The following ZC3H12C variants were observed in gnomAD, a reference collection of about 807,000 sequenced individuals.
ZC3H12C encodes zinc finger CCCH-type containing 12C, also known as probable ribonuclease ZC3H12C.
In ZC3H12C, 20 loss-of-function variants were observed where a neutral mutation model predicts 76.3. The ratio of observed to expected loss-of-function variants is 0.26; its 90% CI spans 0.18 to 0.38. The LOEUF (loss-of-function observed/expected upper bound fraction) is 0.38, where lower values mean the gene tolerates loss of function less well. Among genes scored for constraint, ZC3H12C ranks in the 10% least tolerant of loss-of-function variants. The pLI is 1.00. For synonymous variants in ZC3H12C, 352 were observed against 399.6 expected, an observed-to-expected ratio of 0.88 and a Z score of 1.42; for missense variants, 874 against 1,086.5, an observed-to-expected ratio of 0.80 and a Z score of 2.75.
At chr11:110,094,305 T>A (rs1363789118) in intron 1 of ZC3H12C, among the ~76,000 whole-genome samples, 3 of 152,210 alleles carry the variant, frequency 2.0e-5, no homozygotes, top group Non-Finnish European at 2.9e-5. Flanking sequence ...TATTGGAGTA[T>A]CCCAGGCCCA....
At chr11:110,115,795 CT>C (rs1364217921) in intron 1 of ZC3H12C, among the ~76,000 whole-genome samples, 1 of 141,754 alleles carries the variant, frequency 7.1e-6, no homozygotes, top group Non-Finnish European at 1.5e-5. Flanking sequence ...CTCACTCACT[CT>C]GTCTCCGAGG....
intron 2 of ZC3H12C, among the ~76,000 whole-genome samples, chr11:110,140,602 G>A (rs1862051541): frequency 1.3e-5 from 2 of 152,212 alleles, no homozygotes; most frequent in African/African-American, 4.8e-5. Flanking sequence ...GATATGAACA[G>A]ACTGTTGAAA....
At chr11:110,146,089 C>CAT (rs1432152835) in intron 2 of ZC3H12C, among the ~76,000 whole-genome samples, 2 of 152,282 alleles carry the variant, frequency 1.3e-5, no homozygotes, top group Non-Finnish European at 1.5e-5. Context: ...CGGGTTCATG[C>CAT]CATTCTCCTG....
intron 3 of ZC3H12C, among the ~76,000 whole-genome samples, chr11:110,154,006 AC>A (rs1325922615): frequency 1.3e-5 from 2 of 152,212 alleles, no homozygotes; most frequent in African/African-American, 4.8e-5. Context: ...CCGTGTAAAG[AC>A]AACTGTAAAA....
At chr11:110,093,773 A>T (rs756378287) in intron 1 of ZC3H12C, among the ~76,000 whole-genome samples, 1 of 151,922 alleles carries the variant, frequency 6.6e-6, no homozygotes, top group Non-Finnish European at 1.5e-5. Flanking sequence ...GATCGCGAAC[A>T]TGGAGGCGGG....
intron 1 of ZC3H12C, among the ~76,000 whole-genome samples, chr11:110,115,980 G>A (rs1419336790): frequency 6.6e-6 from 1 of 151,818 alleles, no homozygotes; most frequent in Non-Finnish European, 1.5e-5. Flanking sequence ...AGCTGGTCTT[G>A]AACTCCTGAC....
intron 2 of ZC3H12C, 78 bp downstream of exon 2, chr11:110,137,492 C>G: frequency 1.4e-6 from 2 of 1,438,786 alleles, no homozygotes; most frequent in Non-Finnish European, 1.8e-6. Context: ...TGGCTCTTTT[C>G]CTTCTCATGG....
chr11:110,129,866 C>T (rs186119040), intron 1 of ZC3H12C, among the ~76,000 whole-genome samples: 15 of 152,050 alleles, frequency 9.9e-5, no homozygotes, highest in Admixed American at 2.6e-4. Flanking sequence ...GTATAACTTA[C>T]GCAGCCCACA....
chr11:110,122,429 C>T (rs1861666982), intron 1 of ZC3H12C, among the ~76,000 whole-genome samples: 1 of 151,932 alleles, frequency 6.6e-6, no homozygotes, highest in South Asian at 2.1e-4. Flanking sequence ...CAATCATGTG[C>T]CTTCTGCTTT....
At chr11:110,123,067 ATTGT>A (rs1379581052) in intron 1 of ZC3H12C, among the ~76,000 whole-genome samples, 6 of 152,054 alleles carry the variant, frequency 3.9e-5, no homozygotes, top group East Asian at 1.9e-4. Context: ...TATTTCTGGA[ATTGT>A]TTATTTCTGG....
Position 110,171,192 on chromosome 11 carries a change from G to A in ZC3H12C, c.*5455G>A, listed in dbSNP as rs1422756145. On this transcript the variant is annotated 3_prime_UTR_variant, in exon 6 of 6. Coordinates refer to ENST00000278590, the MANE Select transcript of ZC3H12C (RefSeq NM_033390.2). ...GGGAAAAAGGCATTGAAAAGCAATC[G>A]TTTGTTTTTATGAAGAATAGGTGTT... 3 of 152,134 alleles carry A rather than the reference G, an allele frequency of 2.0e-5. No individual in the cohort carries two copies. The highest frequency in any genetic ancestry group is 2.9e-5 in the Non-Finnish European group (2 of 68,010). The allele number at this position is 152,134 out of a possible 1,614,324, so 9.4% of individuals were successfully genotyped here. A position where few individuals can be genotyped will look rare whatever the true frequency, so the allele number is the denominator to read the frequency against.
At chr11:110,148,902 A>G (rs748502884) in intron 2 of ZC3H12C, among the ~76,000 whole-genome samples, 1 of 152,126 alleles carries the variant, frequency 6.6e-6, no homozygotes, top group Non-Finnish European at 1.5e-5. Context: ...GTTTTTCATC[A>G]TTCTTTATCT....
chr11:110,106,438 G>T (rs1278332254), intron 1 of ZC3H12C, among the ~76,000 whole-genome samples: 1 of 152,166 alleles, frequency 6.6e-6, no homozygotes, highest in Non-Finnish European at 1.5e-5. Context: ...AGCTCATTTT[G>T]TACAGTCAGA....
At chr11:110,119,330 CCAACAG>C (rs2134161513) in intron 1 of ZC3H12C, among the ~76,000 whole-genome samples, 1 of 152,324 alleles carries the variant, frequency 6.6e-6, no homozygotes, top group East Asian at 1.9e-4. Flanking sequence ...GGTCCAGGGA[CCAACAG>C]CAACAGCATC....
chr11:110,143,949 T>A (rs939220948), intron 2 of ZC3H12C, among the ~76,000 whole-genome samples: 1 of 152,384 alleles, frequency 6.6e-6, no homozygotes, highest in Non-Finnish European at 1.5e-5. Context: ...ATAATCATAC[T>A]TATTTTTCTA....
chr11:110,158,541 T>G (rs1443642615), intron 3 of ZC3H12C, among the ~76,000 whole-genome samples: 1 of 150,268 alleles, frequency 6.7e-6, no homozygotes, highest in Non-Finnish European at 1.5e-5. Context: ...ACAGACAAAA[T>G]GAGCATATCT....
intron 1 of ZC3H12C, among the ~76,000 whole-genome samples, chr11:110,112,994 C>A (rs990934904): frequency 3.9e-5 from 3 of 76,868 alleles, no homozygotes; most frequent in African/African-American, 1.0e-4. Flanking sequence ...TCTTATCGCC[C>A]CCCCCTACCA....
chr11:110,097,370 T>G (rs186360246), intron 1 of ZC3H12C, among the ~76,000 whole-genome samples: 1 of 152,338 alleles, frequency 6.6e-6, no homozygotes, highest in Non-Finnish European at 1.5e-5. Context: ...ATGGAATAAG[T>G]AGAAAATCCC....
rs150738558 is a variant in ZC3H12C at position 110,150,591 on chromosome 11, T to C, written c.774-2328T>C. Among the ~76,000 whole-genome samples, 28 of 152,288 alleles carry C rather than the reference T, an allele frequency of 1.8e-4. 1 individual carries two copies. Among genetic ancestry groups the C allele is most frequent in the African/African-American group, 6.7e-4 (28 of 41,600 alleles). ...TGTTGAAATCTGTTCTATGACCTAGTACATAGCCAATTTATTTATAAAGTT... is the reference window on the plus strand; with the variant it reads ...TGTTGAAATCTGTTCTATGACCTAGCACATAGCCAATTTATTTATAAAGTT... On this transcript the variant is annotated intron_variant, in intron 2 of 5. Transcript: ENST00000278590.
Sources: allele counts gnomAD v4.1 joint callset (sites outside exome capture counted in the v4.1 genomes callset), GRCh38; gene constraint gnomAD v4.1.1; transcripts MANE v1.5; gene names NCBI Gene and HGNC (gene_info 2026-07-23, HGNC 2026-07-21).